POLR1C: variants seen among roughly 807,000 people sequenced by gnomAD.
The protein encoded by POLR1C is DNA-directed RNA polymerases I and III subunit RPAC1.
A neutral mutation model predicts 38.3 loss-of-function variants in POLR1C; 42 were observed. The ratio of observed to expected loss-of-function variants is 1.10; its 90% CI spans 0.86 to 1.42. The LOEUF is 1.42. Among genes scored for constraint, POLR1C ranks in the 40% most tolerant of loss-of-function variants. POLR1C has a pLI of 0.00. For synonymous variants in POLR1C, 163 were observed against 163.9 expected, an observed-to-expected ratio of 0.99 and a Z score of 0.04; for missense variants, 507 against 450.5, an observed-to-expected ratio of 1.13 and a Z score of -1.14.
intron 9 of POLR1C, among the ~76,000 whole-genome samples, chr6:43,537,805 G>A (rs1381975004): frequency 2.0e-5 from 3 of 152,064 alleles, no homozygotes; most frequent in South Asian, 2.1e-4. Context: ...GGTAGCTCAC[G>A]GCTGTAATCC....
chr6:43,521,084 C>T, intron 8 of POLR1C, 36 bp downstream of exon 8: 1 of 1,594,030 alleles, frequency 6.3e-7, no homozygotes, highest in Non-Finnish European at 8.6e-7. Flanking sequence ...GGGCAGTGCT[C>T]TTTGGTGCTG....
intron 8 of POLR1C, chr6:43,527,555 G>A (rs1582195295): frequency 1.4e-6 from 2 of 1,420,288 alleles, no homozygotes; most frequent in East Asian, 4.6e-5. Context: ...CATTAGTCAG[G>A]CCTTCATGGA....
chr6:43,534,525 A>G (rs990655113), downstream of POLR1C, among the ~76,000 whole-genome samples: 6 of 152,344 alleles, frequency 3.9e-5, no homozygotes, highest in African/African-American at 1.4e-4. Context: ...CTGAGCAATT[A>G]TAGGCTTTGA....
At chr6:43,525,672 G>A (rs2127699123), downstream of POLR1C, 2 of 658,568 alleles carry the variant, frequency 3.0e-6, no homozygotes, top group East Asian at 5.5e-5. Flanking sequence ...GAGACACCAT[G>A]GCATTGCACC....
intron 9 of POLR1C, chr6:43,548,166 C>T: frequency 8.1e-7 from 1 of 1,240,772 alleles, no homozygotes; most frequent in African/African-American, 1.5e-5. Flanking sequence ...CATCACACTT[C>T]AATATCCTTA....
chr6:43,554,870 T>C (rs1038014821), intron 10 of POLR1C: 1 of 152,110 alleles, frequency 6.6e-6, no homozygotes, highest in African/African-American at 2.4e-5. Flanking sequence ...AGCTGAATGT[T>C]AAGTCCCTCA....
downstream of POLR1C, chr6:43,534,041 A>T: frequency 6.6e-7 from 1 of 1,511,872 alleles, no homozygotes; most frequent in Non-Finnish European, 9.1e-7. Context: ...GAGCTTTTCC[A>T]TCTGATGCAG....
intron 9 of POLR1C, among the ~76,000 whole-genome samples, chr6:43,537,929 G>C (rs969447328): frequency 6.6e-6 from 1 of 151,482 alleles, no homozygotes; most frequent in Admixed American, 6.6e-5. Flanking sequence ...TTAGCCAGGC[G>C]TGGTGGCGCA....
intron 10 of POLR1C, among the ~76,000 whole-genome samples, chr6:43,559,527 T>C (rs1762296316): frequency 6.6e-6 from 1 of 152,174 alleles, no homozygotes; most frequent in African/African-American, 2.4e-5. Flanking sequence ...TCACTTGGCC[T>C]CCAGAAGCAA....
Position 43,555,867 on chromosome 6 carries a change from T to C in POLR1C, c.*48+4856T>C, listed in dbSNP as rs201064427. 97 of 1,613,976 alleles carry C rather than the reference T, an allele frequency of 6.0e-5. No individual in the cohort carries two copies. The highest frequency in any genetic ancestry group is 1.9e-4 in the South Asian group (17 of 91,092). ...CAGAACCAGCATCAAGAAAAGTTGATAGTTGATACTTTAGCCACTCCCCAG... is the reference window on the plus strand; with the variant it reads ...CAGAACCAGCATCAAGAAAAGTTGACAGTTGATACTTTAGCCACTCCCCAG... On this transcript the variant is annotated intron_variant, in intron 10 of 10. Transcript: ENST00000607635.
intron 10 of POLR1C, chr6:43,561,012 AG>A: frequency 6.2e-7 from 1 of 1,610,872 alleles, no homozygotes; most frequent in Middle Eastern, 1.7e-4. Flanking sequence ...TGCACCCTGT[AG>A]GAGAAGACCA....
rs1156884252 is a variant in POLR1C, at chr6:43,536,758, T to TAAAAAAAAAAAAA, written c.*4+7419_*4+7431dup. ...CTGGACGACAGAGTGAGACTCTATCTAAAAAAAAAAAAAAAAAAAAAAAAA... is the reference window on the plus strand; with the variant it reads ...CTGGACGACAGAGTGAGACTCTATCTAAAAAAAAAAAAAAAAAAAAAAAAAAAAAAAAAAAAAA... On this transcript the variant is annotated intron_variant, in intron 9 of 10. Transcript: ENST00000607635. 4.2e-4 allele frequency among the ~76,000 whole-genome samples: 8 copies of TAAAAAAAAAAAAA among 19,100 alleles called. 1 individual carries two copies. Among genetic ancestry groups the TAAAAAAAAAAAAA allele is most frequent in the African/African-American group, 2.0e-3 (8 of 4,094 alleles). The allele number at this position is 19,100 out of a possible 152,430, so 12.5% of individuals were successfully genotyped here. A position where few individuals can be genotyped will look rare whatever the true frequency, so the allele number is the denominator to read the frequency against.
chr6:43,533,458 T>C (rs1340647415), downstream of POLR1C: 5 of 156,770 alleles, frequency 3.2e-5, no homozygotes, highest in African/African-American at 4.8e-5. Context: ...ATAGAGCTTA[T>C]AGGAACTCCA....
downstream of POLR1C, among the ~76,000 whole-genome samples, chr6:43,534,166 G>A (rs1263642170): frequency 6.6e-6 from 1 of 152,160 alleles, no homozygotes; most frequent in Non-Finnish European, 1.5e-5. Context: ...ATGCTCGCTG[G>A]AGGAGGGAAC....
At chr6:43,557,830 C>T (rs915209895) in intron 10 of POLR1C, among the ~76,000 whole-genome samples, 2 of 146,980 alleles carry the variant, frequency 1.4e-5, no homozygotes, top group African/African-American at 5.0e-5. Context: ...CGCGGTGGTT[C>T]GCACCTGTAA....
Position 43,549,498 on chromosome 6 carries a change from C to A in POLR1C, c.*5-1470C>A. Reference sequence around the variant, plus strand: ...GGGTCCAGCAGCTTACCAGCACAAGCTGGGGGTAGTCACGACACATCTTGA... The same window carrying A: ...GGGTCCAGCAGCTTACCAGCACAAGATGGGGGTAGTCACGACACATCTTGA... On this transcript the variant is annotated intron_variant, in intron 9 of 10. Transcript: ENST00000607635. The A allele has an allele frequency of 6.2e-7, 1 of 1,611,374 alleles. No homozygotes were observed. The highest frequency in any genetic ancestry group is 8.5e-7 in the Non-Finnish European group (1 of 1,179,010).
At chr6:43,560,888 A>T in intron 10 of POLR1C, 2 of 1,542,498 alleles carry the variant, frequency 1.3e-6, no homozygotes. Context: ...GGTTCACCTA[A>T]CTAAACTTTT....
chr6:43,559,916 G>A (rs889163471), intron 10 of POLR1C, among the ~76,000 whole-genome samples: 1 of 152,066 alleles, frequency 6.6e-6, no homozygotes, highest in Non-Finnish European at 1.5e-5. Flanking sequence ...CCCAAGCTCA[G>A]GTGATCCTCC....
intron 9 of POLR1C, chr6:43,546,654 A>G (rs1415521964): frequency 1.4e-5 from 23 of 1,613,918 alleles, no homozygotes; most frequent in Non-Finnish European, 1.9e-5. Flanking sequence ...CACTGGATGT[A>G]TAACCCACCA....
Sources: allele counts gnomAD v4.1 joint callset (sites outside exome capture counted in the v4.1 genomes callset), GRCh38; gene constraint gnomAD v4.1.1; transcripts MANE v1.5; gene names NCBI Gene and HGNC (gene_info 2026-07-23, HGNC 2026-07-21).